The following SPEG variants were observed in gnomAD, a reference collection of about 807,000 sequenced individuals.
The protein encoded by SPEG is striated muscle enriched protein kinase.
SPEG carries 114 observed loss-of-function variants against 300.4 expected under a neutral mutation model. The ratio of observed to expected loss-of-function variants is 0.38; its 90% CI spans 0.33 to 0.44. SPEG has a LOEUF of 0.44. Ranked by LOEUF, SPEG falls within the 20% of genes least tolerant of loss-of-function variation. The probability of loss-of-function intolerance (pLI) is 1.00; values close to 1 mark genes in which losing one functional copy is unlikely to be tolerated. For missense variants in SPEG, 4,201 were observed against 4,586.2 expected (o/e 0.92, Z 2.43); for synonymous variants, 1,964 against 2,018.9 (o/e 0.97, Z 0.73).
chr2:219,448,105 T>C lies in SPEG; in HGVS notation c.947T>C (p.Val316Ala), dbSNP rs768719374. ...SALLPPPSPR[V>A]GKRSPPGPPA... The stretch of plus-strand genomic sequence containing the variant: ...CTGCTCCCCCCACCGTCCCCTCGGG[T>C]CGGGAAGCGGTCCCCGCCGGGACCC... Residue 316 changes from valine to alanine, a missense_variant, in exon 4 of 41, where the codon GTC (valine) becomes GCC (alanine). Physicochemically the swap from Val to Ala is moderately conservative, Grantham distance 64. Coordinates refer to ENST00000312358, the MANE Select transcript of SPEG (RefSeq NM_005876.5). The C allele has an allele frequency of 6.2e-7, 1 of 1,601,860 alleles. No homozygotes were observed. The highest frequency in any genetic ancestry group is 1.1e-5 in the South Asian group (1 of 90,000).
chr2:219,489,257 G>A, intron 35 of SPEG, 36 bp downstream of exon 35: 2 of 1,613,188 alleles, frequency 1.2e-6, no homozygotes, highest in Non-Finnish European at 8.5e-7. Context: ...GGAGGAAGGG[G>A]GCTCTGAGCC....
chr2:219,464,052 G>GATC lies in SPEG; in HGVS notation c.2706-381_2706-380insATC. 6.6e-6 allele frequency among the ~76,000 whole-genome samples: 1 copy of GATC among 151,868 alleles called. No homozygotes were observed. Among genetic ancestry groups the GATC allele is most frequent in the African/African-American group, 2.4e-5 (1 of 41,320 alleles). On this transcript the variant is annotated intron_variant, in intron 8 of 40. Transcript: ENST00000312358. This position sits in a 1 kb window ranked among gnomAD's most constrained non-coding sequence, Gnocchi z 4.5. ...TGGGGAGATCGCTTGAGCCTGGGGA[G>GATC]GTAGAAGCTGCAGTGAGCTGTGATT...
intron 13 of SPEG, chr2:219,471,608 T>C: frequency 1.9e-6 from 1 of 515,374 alleles, no homozygotes; most frequent in Non-Finnish European, 3.5e-6. Context: ...GATGATAAGT[T>C]GCCTGGCCTG....
rs761581566 is a variant in SPEG, at chr2:219,444,926, G to A, written c.580G>A (p.Val194Ile). Reference protein sequence around the residue: ...QVSWWGSGQTVLEQEAGSGGG... With the variant: ...QVSWWGSGQTILEQEAGSGGG... ...GAGCTGGTGGGGCAGCGGGCAGACGGTCCTGGAGCAGGAAGCGGGCAGTGG... is the reference window on the plus strand; with the variant it reads ...GAGCTGGTGGGGCAGCGGGCAGACGATCCTGGAGCAGGAAGCGGGCAGTGG... The change falls in exon 3 of 41, where the codon GTC becomes ATC. Residue 194 changes from valine (V) to isoleucine (I), a missense_variant. By Grantham distance (29) the Val-to-Ile change is conservative. Transcript: ENST00000312358. The surrounding 1 kb of genome is among the most constrained non-coding windows in gnomAD (Gnocchi z 7.8). 6.3e-7 allele frequency: 1 copy of A among 1,584,886 alleles called. No homozygotes were observed. The highest frequency in any genetic ancestry group is 8.6e-7 in the Non-Finnish European group (1 of 1,166,076).
intron 6 of SPEG, chr2:219,460,434 T>C (rs975091201): frequency 8.1e-5 from 80 of 985,326 alleles, no homozygotes; most frequent in Non-Finnish European, 9.0e-5. Context: ...GGGCACCTTC[T>C]TTGGTGGACG....
chr2:219,465,634 C>T, intron 9 of SPEG: 1 of 265,116 alleles, frequency 3.8e-6, no homozygotes, highest in Non-Finnish European at 7.2e-6. Context: ...GCCTGGTTGC[C>T]CGGGGTCTCT....
At position 219,465,910 on chromosome 2, in the gene SPEG, TGCGTGTGTGTGTGC is replaced by T. The variant is rs1476602179; in HGVS notation, c.2882-1260_2882-1247del. ...GCATGTGTGCGTATGGGTGTGTGCA[TGCGTGTGTGTGTGC>T]GCGCGTGTGCGTGCACGTGTGCGTG... On this transcript the variant is annotated intron_variant, in intron 9 of 40. Transcript: ENST00000312358. 8 of 693,722 alleles carry T rather than the reference TGCGTGTGTGTGTGC, an allele frequency of 1.2e-5. No homozygotes were observed. The Admixed American group carries it at 1.5e-4, about 13-fold the overall frequency. 43.0% of individuals were successfully genotyped at this position (693,722 alleles called of 1,614,324 possible). A position where few individuals can be genotyped will look rare whatever the true frequency, so the allele number is the denominator to read the frequency against.
At position 219,479,880 on chromosome 2, in the gene SPEG, G is replaced by T. The variant is rs1288459842; in HGVS notation, c.5163+20G>T. ...GTCAAGGTGAGGTGGGGACTGGAGA[G>T]CAGACAGCCCCTGTGGGAGCCAGGA... On this transcript the variant is annotated intron_variant, in intron 24 of 40. Transcript: ENST00000312358. This position sits in a 1 kb window ranked among gnomAD's most constrained non-coding sequence, Gnocchi z 5.5. 4.3e-6 allele frequency: 7 copies of T among 1,613,956 alleles called. No homozygotes were observed. The highest frequency in any genetic ancestry group is 5.1e-6 in the Non-Finnish European group (6 of 1,179,874).
rs1575169532 is a variant in SPEG, at chr2:219,483,409, G to A, written c.5946G>A (p.Gln1982=). 2 of 1,586,438 alleles carry A rather than the reference G, an allele frequency of 1.3e-6. No individual in the cohort carries two copies. Among genetic ancestry groups the A allele is most frequent in the East Asian group, 4.5e-5 (2 of 44,180 alleles). Residue 1982 remains glutamine, a synonymous_variant, in exon 30 of 41, where the codon CAG becomes CAA. Transcript: ENST00000312358. ...AGGAGCAGGGAAGGGCTCCCTCTCA[G>A]GACCAGGAGGCTCCCAGCCCAGAGG... is the stretch of plus-strand genomic sequence containing the variant. ...DWQEQGRAPS[Q]DQEAPSPEAL... is the part of the protein sequence containing the mutation.
Position 219,485,394 on chromosome 2 carries a change from G to T in SPEG, c.7658G>T (p.Arg2553Leu). 1 of 1,608,292 alleles carries T rather than the reference G, an allele frequency of 6.2e-7. No homozygotes were observed. Among genetic ancestry groups the T allele is most frequent in the East Asian group, 2.2e-5 (1 of 44,600 alleles). Residue 2553 changes from arginine to leucine, a missense_variant, in exon 31 of 41, where the codon CGG (arginine) becomes CTG (leucine). This residue lies in a region of SPEG where 1,578 missense variants were observed against 1,506.0 expected (regional missense o/e 1.05). Transcript: ENST00000312358. ...CTCCGCTGGGGCTTCTCTCGGCCGC[G>T]GAAGGACAAGGGGTTATCGCCACCA... is the stretch of plus-strand genomic sequence containing the variant. Reference protein sequence around the residue: ...SRLRWGFSRPRKDKGLSPPNL... With the variant: ...SRLRWGFSRPLKDKGLSPPNL...
chr2:219,484,981 T>C lies in SPEG; in HGVS notation c.7518T>C (p.Leu2506=). 3 of 1,530,802 alleles carry C rather than the reference T, an allele frequency of 2.0e-6. No homozygotes were observed. Among genetic ancestry groups the C allele is most frequent in the Non-Finnish European group, 2.6e-6 (3 of 1,144,914 alleles). The allele number at this position is 1,530,802 out of a possible 1,614,324, so 94.8% of individuals were successfully genotyped here. The change falls in exon 30 of 41, where the codon CTT becomes CTC. Residue 2506 remains leucine, a synonymous_variant. Coordinates refer to ENST00000312358, the MANE Select transcript of SPEG (RefSeq NM_005876.5). The part of the protein sequence containing the change: ...SEGESLRRLG[L]PHNQLAAQAG... Reference sequence around the variant, plus strand: ...GCGAGAGTCTGCGGCGCCTTGGCCTTCCGCACAACCAGTTGGCCGCCCAGG... The same window carrying C: ...GCGAGAGTCTGCGGCGCCTTGGCCTCCCGCACAACCAGTTGGCCGCCCAGG...
chr2:219,472,893 C>T lies in SPEG; in HGVS notation c.3944C>T (p.Pro1315Leu), dbSNP rs746765446. 22 of 1,579,308 alleles carry T rather than the reference C, an allele frequency of 1.4e-5. No homozygotes were observed. Among genetic ancestry groups the T allele is most frequent in the East Asian group, 6.8e-5 (3 of 44,284 alleles). The change falls in exon 16 of 41, where the codon CCG becomes CTG. Residue 1315 changes from proline (P) to leucine (L), a missense_variant. Physicochemically the swap from Pro to Leu is moderately conservative, Grantham distance 98 (BLOSUM62 -3). Around this residue, in one of 4 missense-constraint regions of SPEG, gnomAD observed 1,047 missense variants for 1,356.8 expected, o/e 0.77. Transcript: ENST00000312358. Reference protein sequence around the residue: ...PPRSLDMAIDPDSLTYTVQHQ... With the variant: ...PPRSLDMAIDLDSLTYTVQHQ... ...CTAGTAGCTCCTCTCCCGCCAGACC[C>T]GGACTCCCTGACGTACACAGTGCAG... is the stretch of plus-strand genomic sequence containing the variant.
chr2:219,446,160 A>G (rs1311831595), intron 3 of SPEG, among the ~76,000 whole-genome samples: 4 of 151,700 alleles, frequency 2.6e-5, no homozygotes, highest in Non-Finnish European at 5.9e-5. Context: ...GGAGAGGGCC[A>G]GGGCTGGGCC....
rs1239143728 is a variant in SPEG at position 219,464,315 on chromosome 2, C to G, written c.2706-118C>G. On this transcript the variant is annotated intron_variant, in intron 8 of 40. Transcript: ENST00000312358. The surrounding 1 kb of genome is among the most constrained non-coding windows in gnomAD (Gnocchi z 4.5). Reference sequence around the variant, plus strand: ...GATGCCCACGGTCAGTGGGACAGATCTGGGGACTGGGCAAACTGCACAGGG... The same window carrying G: ...GATGCCCACGGTCAGTGGGACAGATGTGGGGACTGGGCAAACTGCACAGGG... The G allele has an allele frequency of 7.8e-6, 9 of 1,148,184 alleles. No homozygotes were observed. The highest frequency in any genetic ancestry group is 1.1e-5 in the Non-Finnish European group (9 of 814,512). The allele number at this position is 1,148,184 out of a possible 1,614,324, so 71.1% of individuals were successfully genotyped here.
At position 219,483,765 on chromosome 2, in the gene SPEG, AC is replaced by A; in HGVS notation, c.6307del (p.Arg2103GlyfsTer136). The A allele has an allele frequency of 6.5e-7, 1 of 1,548,080 alleles. No individual in the cohort carries two copies. The highest frequency in any genetic ancestry group is 8.7e-7 in the Non-Finnish European group (1 of 1,154,290). ...GAGAGCCTGGGGGGCCGTGCTCGGG[AC>A]CCCCGGATGGCACGAGCTGCCTCCA... Reference protein sequence around the residue: ...LLESLGGRARDPRMARAASSE... With the variant: ...LLESLGGRARXPRMARAASSE... On this transcript the variant is annotated frameshift_variant, in exon 30 of 41. Transcript: ENST00000312358. LOFTEE classifies it high-confidence loss of function.
chr2:219,473,495 T>C lies in SPEG; in HGVS notation c.4148-9T>C. On this transcript the variant is annotated splice_polypyrimidine_tract_variant and intron_variant, in intron 16 of 40. Coordinates refer to ENST00000312358, the MANE Select transcript of SPEG (RefSeq NM_005876.5). This position sits in a 1 kb window ranked among gnomAD's most constrained non-coding sequence, Gnocchi z 4.6. ...GCCCAGCACAGAGCCTGCGCTCTCC[T>C]CCTCCCAGGCCCAACCCTGGAGGAG... 6.2e-7 allele frequency: 1 copy of C among 1,613,590 alleles called. No homozygotes were observed.
chr2:219,452,955 T>C (rs1284969532), intron 6 of SPEG, among the ~76,000 whole-genome samples: 1 of 152,192 alleles, frequency 6.6e-6, no homozygotes, highest in African/African-American at 2.4e-5. Context: ...CTGCAGGTCT[T>C]CATCCTCCTT....
intron 6 of SPEG, chr2:219,460,201 C>A: frequency 1.5e-6 from 1 of 675,446 alleles, no homozygotes; most frequent in Non-Finnish European, 1.8e-6. Flanking sequence ...CCAGACCTTC[C>A]ATGGCAGGGA....
At chr2:219,436,101 A>G (rs1954711499) in intron 1 of SPEG, among the ~76,000 whole-genome samples, 1 of 152,220 alleles carries the variant, frequency 6.6e-6, no homozygotes, top group African/African-American at 2.4e-5. Context: ...CTCCTGGACC[A>G]TGTCTACCTG....
Sources: allele counts gnomAD v4.1 joint callset (sites outside exome capture counted in the v4.1 genomes callset), GRCh38; gene constraint gnomAD v4.1.1; regional missense constraint gnomAD v4.1.1; non-coding constraint Gnocchi (gnomAD v3.1); transcripts MANE v1.5; gene names NCBI Gene and HGNC (gene_info 2026-07-23, HGNC 2026-07-21).